The following CSMD1 variants were observed in gnomAD, a reference collection of about 807,000 sequenced individuals.
CSMD1 encodes CUB and sushi domain-containing protein 1.
CSMD1 carries 213 observed loss-of-function variants against 417.5 expected under a neutral mutation model. That is an observed-to-expected ratio of 0.51 (90% CI 0.46 to 0.57). The LOEUF is 0.57. CSMD1 is among the 20% of genes least tolerant of loss of function. The pLI, the probability that CSMD1 is intolerant of heterozygous loss-of-function variation, is 0.00. For missense variants in CSMD1, 6,923 were observed against 4,529.7 expected, an observed-to-expected ratio of 1.53 and a Z score of -15.17; for synonymous variants, 2,862 against 1,736.8, an observed-to-expected ratio of 1.65 and a Z score of -16.11.
chr8:4,434,930 C>A (rs944282513), intron 2 of CSMD1, among the ~76,000 whole-genome samples: 2 of 152,142 alleles, frequency 1.3e-5, no homozygotes, highest in Non-Finnish European at 2.9e-5. Context: ...GACAAAGTGA[C>A]AACAGATGTT....
intron 49 of CSMD1, among the ~76,000 whole-genome samples, chr8:3,065,194 G>T (rs1480386238): frequency 3.9e-5 from 6 of 151,962 alleles, no homozygotes; most frequent in Non-Finnish European, 7.4e-5. Context: ...TATATAAAAA[G>T]AAAGATATAT....
intron 1 of CSMD1, among the ~76,000 whole-genome samples, chr8:4,813,845 T>C (rs531315499): frequency 2.6e-5 from 4 of 152,314 alleles, no homozygotes; most frequent in East Asian, 1.9e-4. Context: ...CCAGAGTGCA[T>C]AGTAGCATTC....
chr8:4,739,597 G>A (rs1304888434), intron 1 of CSMD1, among the ~76,000 whole-genome samples: 3 of 152,072 alleles, frequency 2.0e-5, no homozygotes, highest in Admixed American at 2.0e-4. Flanking sequence ...TCTCCTTTGG[G>A]TCCGAGAAAC....
chr8:3,337,962 C>T (rs558142543), intron 23 of CSMD1, among the ~76,000 whole-genome samples: 5 of 152,146 alleles, frequency 3.3e-5, no homozygotes, highest in African/African-American at 1.2e-4. Flanking sequence ...CCTAATGAGC[C>T]TCTTCACCAC....
intron 3 of CSMD1, among the ~76,000 whole-genome samples, chr8:4,368,633 G>T (rs188414892): frequency 2.0e-5 from 3 of 152,092 alleles, no homozygotes; most frequent in East Asian, 1.9e-4. Flanking sequence ...TTTTATTACC[G>T]ATTCAATTTT....
intron 1 of CSMD1, among the ~76,000 whole-genome samples, chr8:4,666,864 T>C (rs1354390951): frequency 6.6e-6 from 1 of 152,146 alleles, no homozygotes; most frequent in Non-Finnish European, 1.5e-5. Flanking sequence ...TGAAGTCTGA[T>C]TTATCAAACT....
intron 2 of CSMD1, among the ~76,000 whole-genome samples, chr8:4,426,291 C>T (rs959190276): frequency 3.2e-4 from 49 of 151,138 alleles, no homozygotes; most frequent in African/African-American, 1.2e-3. Flanking sequence ...TAGAATTCAT[C>T]CAAAATTTGT....
At chr8:3,407,081 AGAAAGATGAATGGAGGGATGGATG>A (rs1812388879) in intron 14 of CSMD1, among the ~76,000 whole-genome samples, 1 of 152,088 alleles carries the variant, frequency 6.6e-6, no homozygotes. Flanking sequence ...AGGGATGGAA[AGAAAGATGAATGGAGGGATGGATG>A]GAAAGATGAA....
chr8:4,866,548 C>G (rs1055384701), intron 1 of CSMD1, among the ~76,000 whole-genome samples: 1 of 151,778 alleles, frequency 6.6e-6, no homozygotes, highest in African/African-American at 2.4e-5. Context: ...TTTTTAACAA[C>G]TAAATAAATA....
chr8:4,135,260 C>G (rs1803349495), intron 3 of CSMD1, among the ~76,000 whole-genome samples: 1 of 150,562 alleles, frequency 6.6e-6, no homozygotes, highest in Admixed American at 6.7e-5. Flanking sequence ...TGTCTAATGC[C>G]TTCCTTAACA....
In CSMD1 at chr8:3,168,623, A is replaced by G. The variant is rs1283029658; in HGVS notation, c.5726-6346T>C. Among the ~76,000 whole-genome samples, 5 of 143,590 alleles carry G rather than the reference A, an allele frequency of 3.5e-5. No homozygotes were observed. The East Asian group carries it at 1.1e-3, about 33-fold the overall frequency. The allele number at this position is 143,590 out of a possible 152,430, so 94.2% of individuals were successfully genotyped here. The stretch of plus-strand genomic sequence containing the variant: ...TGTCACAGTGTGTAAGGAGTCAGTA[A>G]GTCTTCATCACACACACACACACAC... On this transcript the variant is annotated intron_variant, in intron 37 of 69. Transcript: ENST00000635120.
chr8:4,642,842 T>C (rs189619997), intron 1 of CSMD1, among the ~76,000 whole-genome samples: 4 of 152,296 alleles, frequency 2.6e-5, no homozygotes. Flanking sequence ...CAAAGATATT[T>C]TGACATGTAA....
At chr8:4,124,524 C>A (rs561130677) in intron 3 of CSMD1, among the ~76,000 whole-genome samples, 1 of 152,124 alleles carries the variant, frequency 6.6e-6, no homozygotes, top group Non-Finnish European at 1.5e-5. Context: ...CTTCAAGTAT[C>A]AAAGCCCTGA....
intron 3 of CSMD1, among the ~76,000 whole-genome samples, chr8:4,239,690 C>G (rs1167387511): frequency 6.6e-6 from 1 of 152,174 alleles, no homozygotes; most frequent in South Asian, 2.1e-4. Flanking sequence ...GGCAGAACAT[C>G]GCATTATGTT....
intron 6 of CSMD1, among the ~76,000 whole-genome samples, chr8:3,718,916 A>G (rs1263816760): frequency 5.3e-5 from 8 of 152,120 alleles, no homozygotes; most frequent in African/African-American, 1.9e-4. Context: ...ACCGGAGCCA[A>G]TTTAAACCTT....
chr8:3,807,508 C>A (rs763422092), intron 5 of CSMD1, among the ~76,000 whole-genome samples: 2 of 152,078 alleles, frequency 1.3e-5, no homozygotes, highest in African/African-American at 2.4e-5. Flanking sequence ...TGCAGCATTA[C>A]CAGGGCAGAG....
intron 6 of CSMD1, among the ~76,000 whole-genome samples, chr8:3,733,004 C>A (rs756223024): frequency 6.6e-6 from 1 of 152,004 alleles, no homozygotes; most frequent in Non-Finnish European, 1.5e-5. Flanking sequence ...CCTAAAGATA[C>A]GTGTGCCCTG....
intron 2 of CSMD1, among the ~76,000 whole-genome samples, chr8:4,429,632 G>T (rs1260432317): frequency 3.3e-5 from 5 of 152,088 alleles, no homozygotes; most frequent in African/African-American, 9.7e-5. Flanking sequence ...AGAGAGAAAC[G>T]AATGCACAGA....
At chr8:3,375,097 C>T (rs898362060) in intron 18 of CSMD1, 1 of 152,168 alleles carries the variant, frequency 6.6e-6, no homozygotes, top group African/African-American at 2.4e-5. Context: ...CCAACTGTAA[C>T]TTGAAACCTG....
Sources: allele counts gnomAD v4.1 joint callset (sites outside exome capture counted in the v4.1 genomes callset), GRCh38; gene constraint gnomAD v4.1.1; transcripts MANE v1.5; gene names NCBI Gene and HGNC (gene_info 2026-07-23, HGNC 2026-07-21).